Variants in PLAAT5 observed in about 807,000 individuals in gnomAD.
The protein encoded by PLAAT5 is phospholipase A and acyltransferase 5.
PLAAT5 carries 27 observed loss-of-function variants against 27.8 expected under a neutral mutation model. The ratio of observed to expected loss-of-function variants is 0.97; its 90% confidence interval spans 0.72 to 1.34. The LOEUF (loss-of-function observed/expected upper bound fraction) is 1.34. Among genes scored for constraint, PLAAT5 ranks in the 40% most tolerant of loss-of-function variants. The pLI is 0.00. For missense variants in PLAAT5, 368 were observed against 343.8 expected, an observed-to-expected ratio of 1.07 and a Z score of -0.56; for synonymous variants, 125 against 136.1, an observed-to-expected ratio of 0.92 and a Z score of 0.57.
chr11:63,467,847 A>G (rs1314156946), intron 4 of PLAAT5, among the ~76,000 whole-genome samples: 1 of 152,234 alleles, frequency 6.6e-6, no homozygotes, highest in Non-Finnish European at 1.5e-5. Context: ...GCTGTGAGAA[A>G]TGAAAAGAGG....
intron 3 of PLAAT5, among the ~76,000 whole-genome samples, chr11:63,485,088 A>G (rs2016401966): frequency 6.6e-6 from 1 of 152,066 alleles, no homozygotes; most frequent in African/African-American, 2.4e-5. Flanking sequence ...AACCAAAGAC[A>G]TGAAAGATCT....
In PLAAT5 at chr11:63,464,326, GTTC is replaced by G. The variant is rs377504374; in HGVS notation, c.718-734_718-732del. Among the ~76,000 whole-genome samples, 21 of 152,318 alleles carry G rather than the reference GTTC, an allele frequency of 1.4e-4. 1 individual carries two copies. The East Asian group carries it at 4.0e-3, about 29-fold the overall frequency. On this transcript the variant is annotated intron_variant, in intron 5 of 5. Transcript: ENST00000540857. Reference sequence around the variant, plus strand: ...CATAGAAAAAAAATAGAATAATTATGTTCTTCTTTTAATCCTTAATTTTTTCCA... The same window carrying G: ...CATAGAAAAAAAATAGAATAATTATGTTCTTTTAATCCTTAATTTTTTCCA...
chr11:63,474,271 A>T (rs2016101305), intron 3 of PLAAT5, among the ~76,000 whole-genome samples: 1 of 152,184 alleles, frequency 6.6e-6, no homozygotes, highest in African/African-American at 2.4e-5. Flanking sequence ...TTTATGAAAG[A>T]TTGGTAATTT....
chr11:63,468,046 G>A (rs922793073), intron 4 of PLAAT5, among the ~76,000 whole-genome samples: 1 of 152,224 alleles, frequency 6.6e-6, no homozygotes, highest in East Asian at 1.9e-4. Context: ...GATGAGGATA[G>A]ATGCTCAACT....
intron 3 of PLAAT5, among the ~76,000 whole-genome samples, chr11:63,488,497 A>G (rs1276252364): frequency 1.3e-5 from 2 of 152,184 alleles, no homozygotes; most frequent in African/African-American, 4.8e-5. Context: ...TTACACCTCA[A>G]TAAAACTGCT....
intron 3 of PLAAT5, among the ~76,000 whole-genome samples, chr11:63,473,738 A>C (rs2016087921): frequency 6.7e-6 from 1 of 148,570 alleles, no homozygotes; most frequent in Non-Finnish European, 1.5e-5. Context: ...TTTGAGAGGA[A>C]GTCTAACTCT....
intron 3 of PLAAT5, among the ~76,000 whole-genome samples, chr11:63,475,877 C>T (rs58125340): frequency 0.021 from 3,209 of 152,114 alleles, 117 homozygotes; most frequent in African/African-American, 0.073. Flanking sequence ...AATATGGAAA[C>T]TTAAAATTAG....
At chr11:63,467,896 T>C (rs561138855) in intron 4 of PLAAT5, among the ~76,000 whole-genome samples, 9 of 152,134 alleles carry the variant, frequency 5.9e-5, no homozygotes, top group Non-Finnish European at 1.2e-4. Context: ...AAGGAGCATG[T>C]TGGAACAGCA....
At chr11:63,474,724 T>C (rs1332383737) in intron 3 of PLAAT5, among the ~76,000 whole-genome samples, 3 of 151,972 alleles carry the variant, frequency 2.0e-5, no homozygotes, top group Non-Finnish European at 4.4e-5. Flanking sequence ...GTTTGCTTTG[T>C]TTCCCTAGTT....
intron 5 of PLAAT5, among the ~76,000 whole-genome samples, chr11:63,464,798 G>T (rs374199394): frequency 1.3e-5 from 2 of 152,266 alleles, no homozygotes; most frequent in South Asian, 2.1e-4. Context: ...TGAACTACAT[G>T]AATTTATTAC....
intron 4 of PLAAT5, among the ~76,000 whole-genome samples, chr11:63,467,455 A>C (rs1363033433): frequency 1.3e-5 from 2 of 152,190 alleles, no homozygotes; most frequent in Non-Finnish European, 2.9e-5. Flanking sequence ...CCATGGGAAC[A>C]TCCCTGCATG....
intron 3 of PLAAT5, among the ~76,000 whole-genome samples, chr11:63,483,781 AAAAATATATATATATATATGT>A (rs1380360626): frequency 6.3e-5 from 6 of 95,208 alleles, no homozygotes; most frequent in African/African-American, 3.6e-4. Context: ...GAAGCAAAAA[AAAAATATATATATATATATGT>A]ATATATATAT....
At chr11:63,482,527 G>A (rs2120312961) in intron 3 of PLAAT5, among the ~76,000 whole-genome samples, 1 of 152,246 alleles carries the variant, frequency 6.6e-6, no homozygotes, top group African/African-American at 2.4e-5. Context: ...CTTCATAAGT[G>A]GAGGGGAAAT....
chr11:63,470,824 GA>G (rs1437042697), intron 3 of PLAAT5: 1 of 152,044 alleles, frequency 6.6e-6, no homozygotes, highest in African/African-American at 2.4e-5. Context: ...CATACTTAAT[GA>G]AACCATTATA....
chr11:63,491,015 G>C lies in PLAAT5; in HGVS notation c.20C>G (p.Ala7Gly). 1 of 1,510,412 alleles carries C rather than the reference G, an allele frequency of 6.6e-7. No individual in the cohort carries two copies. Among genetic ancestry groups the C allele is most frequent in the Non-Finnish European group, 8.9e-7 (1 of 1,129,146 alleles). The allele number at this position is 1,510,412 out of a possible 1,614,324, so 93.6% of individuals were successfully genotyped here. Residue 7 changes from alanine (A) to glycine (G), a missense_variant, in exon 1 of 6, where the codon GCC becomes GGC. Physicochemically the swap from Ala to Gly is moderately conservative, Grantham distance 60 (BLOSUM62 0). Transcript: ENST00000540857. The stretch of plus-strand genomic sequence containing the variant: ...GAGGCGGAGCGCGTACTCCCCCTCG[G>C]CGCCCGGGCTCAGGCCCATCCCGCC... MGLSPG[A>G]EGEYALRLPR...
intron 3 of PLAAT5, among the ~76,000 whole-genome samples, 166 bp downstream of exon 3, chr11:63,488,705 C>A (rs1252127493): frequency 6.7e-6 from 1 of 150,344 alleles, no homozygotes; most frequent in African/African-American, 2.5e-5. Flanking sequence ...CAACAGCTAT[C>A]GTCAGTGTTA....
At chr11:63,485,047 TA>T (rs879922311) in intron 3 of PLAAT5, among the ~76,000 whole-genome samples, 2,292 of 140,504 alleles carry the variant, frequency 0.016, 35 homozygotes, top group African/African-American at 0.044. Context: ...AAAACAGCTG[TA>T]AAAAAAAAAA....
At chr11:63,486,256 T>G (rs1467933190) in intron 3 of PLAAT5, among the ~76,000 whole-genome samples, 3 of 152,162 alleles carry the variant, frequency 2.0e-5, no homozygotes, top group Non-Finnish European at 2.9e-5. Context: ...AGCACAACAA[T>G]TTGATCCAGC....
At position 63,463,317 on chromosome 11, in the gene PLAAT5, G is replaced by A; in HGVS notation, c.*186C>T. The stretch of plus-strand genomic sequence containing the variant: ...CTAGATACCAGATCCTTCCCATCCT[G>A]AGAGTCTGTGGGTCTATGCTCGTAT... On this transcript the variant is annotated 3_prime_UTR_variant, in exon 6 of 6. Coordinates refer to ENST00000540857, the MANE Select transcript of PLAAT5 (RefSeq NM_001146729.2). The A allele has an allele frequency of 3.2e-6, 2 of 618,956 alleles. No individual in the cohort carries two copies. The highest frequency in any genetic ancestry group is 5.8e-6 in the Non-Finnish European group (2 of 343,364). 38.3% of individuals were successfully genotyped at this position (618,956 alleles called of 1,614,324 possible).
Sources: gnomAD v4.1 joint callset for allele counts (sites outside exome capture counted in the v4.1 genomes callset) on GRCh38, gnomAD v4.1.1 for gene constraint, MANE v1.5 for transcripts, NCBI Gene and HGNC (gene_info 2026-07-23, HGNC 2026-07-21) for gene names.